ATP8A2: variants seen among roughly 807,000 people sequenced by gnomAD.
The protein encoded by ATP8A2 is phospholipid-transporting ATPase IB.
Under a neutral mutation model 165.6 loss-of-function variants are expected in ATP8A2, and 100 were observed. The ratio of observed to expected loss-of-function variants is 0.60; its 90% CI spans 0.51 to 0.71. The LOEUF is 0.71. Ranked by LOEUF, ATP8A2 falls within the 30% of genes least tolerant of loss-of-function variation. The probability of loss-of-function intolerance (pLI) is 0.00; values close to 1 mark genes in which losing one functional copy is unlikely to be tolerated. For missense variants in ATP8A2, 1,227 were observed against 1,479.5 expected, an observed-to-expected ratio of 0.83 and a Z score of 2.80; for synonymous variants, 543 against 548.8, an observed-to-expected ratio of 0.99 and a Z score of 0.15.
intron 25 of ATP8A2, among the ~76,000 whole-genome samples, chr13:25,742,850 G>C (rs1346524925): frequency 6.6e-6 from 1 of 152,052 alleles, no homozygotes; most frequent in Non-Finnish European, 1.5e-5. Flanking sequence ...CAGCATATGG[G>C]ATGTGGGAGG....
intron 2 of ATP8A2, among the ~76,000 whole-genome samples, chr13:25,480,173 C>T (rs900348558): frequency 1.4e-5 from 2 of 143,794 alleles, no homozygotes; most frequent in African/African-American, 2.6e-5. Flanking sequence ...GGGGGGCTGA[C>T]CCCCCCACCT....
Position 25,541,921 on chromosome 13 carries a change from T to G in ATP8A2, c.654T>G (p.Gly218=), listed in dbSNP as rs1222574391. 6.2e-7 allele frequency: 1 copy of G among 1,613,998 alleles called. No individual in the cohort carries two copies. Among genetic ancestry groups the G allele is most frequent in the Admixed American group, 1.7e-5 (1 of 60,004 alleles). ...CCTCTTTTGGTTTAATCTTTTAGGG[T>G]TTGAGTCACACTGCTGACATGCAAA... ...DGETNLKIRQ[G]LSHTADMQTR... is the part of the protein sequence containing the mutation. The change falls in exon 9 of 37, where the codon GGT becomes GGG. Residue 218 remains glycine (G), a splice_region_variant and synonymous_variant. Transcript: ENST00000381655.
intron 2 of ATP8A2, among the ~76,000 whole-genome samples, chr13:25,485,977 T>G (rs1475005994): frequency 6.6e-6 from 1 of 152,184 alleles, no homozygotes; most frequent in East Asian, 1.9e-4. Context: ...AAGCTTTCAA[T>G]TTTTTGCCCC....
chr13:25,575,005 TGGAATTTGTGACTTTCATTAAAGA>T, intron 19 of ATP8A2, 148 bp downstream of exon 19: 1 of 470,272 alleles, frequency 2.1e-6, no homozygotes. Flanking sequence ...CTTTTCTTCT[TGGAATTTGTGACTTTCATTAAAGA>T]AAGTGAAGTA....
intron 25 of ATP8A2, among the ~76,000 whole-genome samples, chr13:25,711,600 C>G (rs1473197526): frequency 2.2e-4 from 33 of 152,004 alleles, no homozygotes; most frequent in African/African-American, 7.7e-4. Context: ...GAGAAGGCAA[C>G]ACTATGGAGG....
chr13:25,667,703 A>T (rs561821758), intron 24 of ATP8A2, among the ~76,000 whole-genome samples: 2 of 152,112 alleles, frequency 1.3e-5, no homozygotes, highest in Admixed American at 1.3e-4. Context: ...AAATGGACTA[A>T]GACAATATGT....
intron 33 of ATP8A2, among the ~76,000 whole-genome samples, chr13:25,896,620 G>A (rs1953558675): frequency 6.6e-6 from 1 of 152,126 alleles, no homozygotes; most frequent in Non-Finnish European, 1.5e-5. Context: ...TCTGTCTAAT[G>A]TTGACAGTGG....
At chr13:25,503,018 A>G (rs1394018368) in intron 2 of ATP8A2, among the ~76,000 whole-genome samples, 1 of 152,126 alleles carries the variant, frequency 6.6e-6, no homozygotes, top group African/African-American at 2.4e-5. Context: ...TCCAGCCGAG[A>G]GTGCTGTCAT....
chr13:25,682,366 C>T (rs1012152634), intron 24 of ATP8A2, among the ~76,000 whole-genome samples: 2 of 152,136 alleles, frequency 1.3e-5, no homozygotes, highest in African/African-American at 2.4e-5. Flanking sequence ...GAGTCTGGGA[C>T]TTCAGTCACC....
At chr13:25,580,561 C>T (rs1384001716) in intron 22 of ATP8A2, among the ~76,000 whole-genome samples, 2 of 152,118 alleles carry the variant, frequency 1.3e-5, no homozygotes, top group African/African-American at 4.8e-5. Context: ...GGGTTTCCCT[C>T]TGTTACCCAG....
At chr13:25,572,639 A>G (rs2039500379) in intron 18 of ATP8A2, among the ~76,000 whole-genome samples, 1 of 152,186 alleles carries the variant, frequency 6.6e-6, no homozygotes, top group Non-Finnish European at 1.5e-5. Context: ...CTGGTGAGGC[A>G]GTGGTGTTTT....
At chr13:25,538,083 C>A (rs764993159) in intron 7 of ATP8A2, 22 bp downstream of exon 7, 1 of 1,593,688 alleles carries the variant, frequency 6.3e-7, no homozygotes, top group Non-Finnish European at 8.6e-7. Flanking sequence ...TAGTAGGCAC[C>A]TTTTTTGCAA....
intron 1 of ATP8A2, among the ~76,000 whole-genome samples, chr13:25,447,467 G>T (rs1174230347): frequency 1.3e-5 from 2 of 152,284 alleles, no homozygotes; most frequent in East Asian, 3.9e-4. Flanking sequence ...TTACTTGGCT[G>T]CCATGCTGAA....
At chr13:25,488,336 G>A (rs1021676872) in intron 2 of ATP8A2, among the ~76,000 whole-genome samples, 3 of 152,072 alleles carry the variant, frequency 2.0e-5, no homozygotes, top group East Asian at 1.9e-4. Context: ...CTTCCTCCCC[G>A]TGCCCCTGGC....
chr13:25,908,552 T>C (rs1269498231), intron 33 of ATP8A2, among the ~76,000 whole-genome samples: 3 of 152,056 alleles, frequency 2.0e-5, no homozygotes, highest in African/African-American at 4.8e-5. Context: ...ACAACAGCTG[T>C]TCTGTTTTAA....
chr13:25,485,420 T>C (rs1215041067), intron 2 of ATP8A2, among the ~76,000 whole-genome samples: 1 of 152,222 alleles, frequency 6.6e-6, no homozygotes, highest in Non-Finnish European at 1.5e-5. Context: ...GAAGATTTCT[T>C]TTCATACTTT....
intron 34 of ATP8A2, among the ~76,000 whole-genome samples, chr13:25,963,144 T>C (rs7330301): frequency 0.15 from 23,358 of 151,860 alleles, 2,484 homozygotes; most frequent in East Asian, 0.49. Flanking sequence ...GCCTGTAATC[T>C]CAACACTTTG....
chr13:25,705,106 A>G (rs934136591), intron 25 of ATP8A2: 8 of 399,736 alleles, frequency 2.0e-5, no homozygotes, highest in Middle Eastern at 3.7e-4. Flanking sequence ...CAATATGTTC[A>G]AGAAAGAGTT....
intron 33 of ATP8A2, among the ~76,000 whole-genome samples, chr13:25,887,049 C>G (rs1953181477): frequency 6.6e-6 from 1 of 152,122 alleles, no homozygotes; most frequent in African/African-American, 2.4e-5. Flanking sequence ...GTGTAAAGTT[C>G]CAGAGCTTGC....
Sources: gnomAD v4.1 joint callset for allele counts (sites outside exome capture counted in the v4.1 genomes callset) on GRCh38, gnomAD v4.1.1 for gene constraint, MANE v1.5 for transcripts, NCBI Gene and HGNC (gene_info 2026-07-23, HGNC 2026-07-21) for gene names.